The following DCC variants were observed in gnomAD, a reference collection of about 807,000 sequenced individuals.
DCC encodes the protein netrin receptor DCC.
In DCC, 58 loss-of-function variants were observed where a neutral mutation model predicts 172.5. The ratio of observed to expected loss-of-function variants is 0.34; its 90% CI spans 0.27 to 0.42. The LOEUF (loss-of-function observed/expected upper bound fraction) is 0.42, where lower values mean the gene tolerates loss of function less well. Among genes scored for constraint, DCC ranks in the 10% least tolerant of loss-of-function variants. DCC has a pLI of 1.00. For synonymous variants in DCC, 709 were observed against 644.5 expected, an observed-to-expected ratio of 1.10 and a Z score of -1.52; for missense variants, 1,740 against 1,791.0, an observed-to-expected ratio of 0.97 and a Z score of 0.51.
At chr18:53,017,212 A>T (rs1002804347) in intron 5 of DCC, among the ~76,000 whole-genome samples, 1 of 151,866 alleles carries the variant, frequency 6.6e-6, no homozygotes, top group Non-Finnish European at 1.5e-5. Context: ...CGTAGCTGGG[A>T]CTACAGGCGC....
chr18:52,652,441 G>A (rs935128818), intron 1 of DCC, among the ~76,000 whole-genome samples: 1 of 152,012 alleles, frequency 6.6e-6, no homozygotes, highest in African/African-American at 2.4e-5. Context: ...TTTCAATACA[G>A]TCATTGGAAT....
At chr18:53,517,387 A>T (rs1422967258) in intron 27 of DCC, among the ~76,000 whole-genome samples, 1 of 151,698 alleles carries the variant, frequency 6.6e-6, no homozygotes, top group Non-Finnish European at 1.5e-5. Flanking sequence ...AGCATGGCAC[A>T]TGTATACATA....
Position 53,131,953 on chromosome 18 carries a change from A to ATTTTTTTT in DCC, c.1262-25379_1262-25372dup, listed in dbSNP as rs71175556. 3.6e-4 allele frequency among the ~76,000 whole-genome samples: 21 copies of ATTTTTTTT among 58,278 alleles called. 1 individual carries two copies. The highest frequency in any genetic ancestry group is 4.3e-4 in the Non-Finnish European group (14 of 32,344). The allele number at this position is 58,278 out of a possible 152,430, so 38.2% of individuals were successfully genotyped here. On this transcript the variant is annotated intron_variant, in intron 7 of 28. Coordinates refer to ENST00000442544, the MANE Select transcript of DCC (RefSeq NM_005215.4). ...AACATGGTATCATTGTCTCTAAGTG[A>ATTTTTTTT]TTTTTTTTTTTTTTTTTTTTTTTTT...
At chr18:53,491,952 T>A (rs1030395753) in intron 26 of DCC, among the ~76,000 whole-genome samples, 3 of 152,232 alleles carry the variant, frequency 2.0e-5, no homozygotes, top group Non-Finnish European at 4.4e-5. Flanking sequence ...TTCCTATGTC[T>A]CCACATCCTC....
intron 6 of DCC, among the ~76,000 whole-genome samples, chr18:53,064,566 C>T (rs2042540927): frequency 6.6e-6 from 1 of 152,030 alleles, no homozygotes; most frequent in African/African-American, 2.4e-5. Flanking sequence ...CACAATCAGT[C>T]GACTTTCAGA....
At chr18:52,693,194 G>A (rs2145016408) in intron 1 of DCC, among the ~76,000 whole-genome samples, 1 of 151,260 alleles carries the variant, frequency 6.6e-6, no homozygotes, top group East Asian at 1.9e-4. Flanking sequence ...GCTTTTATCA[G>A]TTTAATATAT....
At chr18:52,761,937 AG>A (rs58680340) in intron 2 of DCC, among the ~76,000 whole-genome samples, 10,788 of 122,458 alleles carry the variant, frequency 0.088, 555 homozygotes, top group African/African-American at 0.15. Flanking sequence ...AAAAAAAAAA[AG>A]AAGAAGGAAA....
chr18:52,622,588 C>T (rs373473574), intron 1 of DCC, among the ~76,000 whole-genome samples: 9 of 152,016 alleles, frequency 5.9e-5, no homozygotes, highest in African/African-American at 1.7e-4. Flanking sequence ...TGCCCCTATT[C>T]TAAACACTTC....
At chr18:53,454,870 C>T (rs1371615349) in intron 23 of DCC, among the ~76,000 whole-genome samples, 2 of 152,094 alleles carry the variant, frequency 1.3e-5, no homozygotes, top group African/African-American at 2.4e-5. Context: ...TATCAGCTAC[C>T]TTAAGACTTC....
intron 2 of DCC, among the ~76,000 whole-genome samples, chr18:52,789,145 G>T (rs536762976): frequency 6.6e-4 from 101 of 152,194 alleles, no homozygotes; most frequent in African/African-American, 2.3e-3. Context: ...GAGGTAATTT[G>T]GTACCTCTAA....
At chr18:52,586,412 A>G (rs549571946) in intron 1 of DCC, among the ~76,000 whole-genome samples, 1 of 152,214 alleles carries the variant, frequency 6.6e-6, no homozygotes, top group Admixed American at 6.5e-5. Context: ...GACTGATTTC[A>G]TCTTGACAGT....
At chr18:53,038,860 G>A (rs957444488) in intron 5 of DCC, among the ~76,000 whole-genome samples, 1 of 151,778 alleles carries the variant, frequency 6.6e-6, no homozygotes, top group Admixed American at 6.6e-5. Flanking sequence ...TGGTCAATTG[G>A]TGAAGCCAGG....
At chr18:53,223,126 C>A (rs1244615049) in intron 12 of DCC, among the ~76,000 whole-genome samples, 1 of 152,044 alleles carries the variant, frequency 6.6e-6, no homozygotes, top group Non-Finnish European at 1.5e-5. Context: ...ATGATTAAAT[C>A]TCCATGTCAA....
At chr18:52,495,106 C>G (rs757901712) in intron 1 of DCC, among the ~76,000 whole-genome samples, 1 of 152,050 alleles carries the variant, frequency 6.6e-6, no homozygotes, top group Non-Finnish European at 1.5e-5. Context: ...TGGGCCCCTC[C>G]CCTGATGGGT....
At chr18:52,902,101 A>G (rs1463137999) in intron 2 of DCC, among the ~76,000 whole-genome samples, 2 of 152,202 alleles carry the variant, frequency 1.3e-5, no homozygotes, top group Non-Finnish European at 2.9e-5. Flanking sequence ...AAATACAGCC[A>G]AGAGGAAACC....
chr18:52,953,504 A>T (rs887940085), intron 5 of DCC, among the ~76,000 whole-genome samples: 1 of 152,192 alleles, frequency 6.6e-6, no homozygotes, highest in African/African-American at 2.4e-5. Flanking sequence ...TGGACCTTCC[A>T]GAACAGTGGC....
chr18:52,568,398 A>G (rs1280073904), intron 1 of DCC, among the ~76,000 whole-genome samples: 1 of 152,154 alleles, frequency 6.6e-6, no homozygotes, highest in Non-Finnish European at 1.5e-5. Flanking sequence ...AAAAAAAGAA[A>G]CAAACTATTG....
At chr18:52,348,894 C>A (rs1214035565) in intron 1 of DCC, among the ~76,000 whole-genome samples, 3 of 152,112 alleles carry the variant, frequency 2.0e-5, no homozygotes, top group Non-Finnish European at 4.4e-5. Flanking sequence ...CCTGCCTTAT[C>A]CTGTTTATTG....
At chr18:52,892,770 CAA>C (rs1162405014) in intron 2 of DCC, among the ~76,000 whole-genome samples, 1 of 152,122 alleles carries the variant, frequency 6.6e-6, no homozygotes, top group East Asian at 1.9e-4. Context: ...GAAAATCACA[CAA>C]GTTACATAGT....
Sources: allele counts gnomAD v4.1 joint callset (sites outside exome capture counted in the v4.1 genomes callset), GRCh38; gene constraint gnomAD v4.1.1; transcripts MANE v1.5; gene names NCBI Gene and HGNC (gene_info 2026-07-23, HGNC 2026-07-21).